Variants in CEP126 observed in about 807,000 individuals in gnomAD.
The protein encoded by CEP126 is centrosomal protein of 126 kDa.
A neutral mutation model predicts 107.8 loss-of-function variants in CEP126; 74 were observed. The ratio of observed to expected loss-of-function variants is 0.69; its 90% CI spans 0.57 to 0.83. CEP126 has a LOEUF of 0.83. Ranked by LOEUF, CEP126 falls within the 40% of genes least tolerant of loss-of-function variation. CEP126 has a pLI of 0.00. For synonymous variants in CEP126, 449 were observed against 446.0 expected (o/e 1.01, Z -0.08); for missense variants, 1,237 against 1,281.9 (o/e 0.96, Z 0.53).
At chr11:101,985,987 G>GTTT (rs1941311739) in intron 8 of CEP126, among the ~76,000 whole-genome samples, 1 of 128,992 alleles carries the variant, frequency 7.8e-6, no homozygotes, top group East Asian at 2.8e-4. Flanking sequence ...ACTCTGAATT[G>GTTT]ATTTCTTTTT....
intron 4 of CEP126, among the ~76,000 whole-genome samples, chr11:101,957,472 A>G (rs149924522): frequency 6.6e-5 from 10 of 152,288 alleles, no homozygotes; most frequent in Non-Finnish European, 1.0e-4. Flanking sequence ...ACAAAATTCT[A>G]ATAGAAAATG....
chr11:101,944,542 G>A, intron 3 of CEP126, 132 bp downstream of exon 3: 1 of 807,414 alleles, frequency 1.2e-6, no homozygotes, highest in East Asian at 3.2e-5. Flanking sequence ...TTGAGTAAAA[G>A]CACTTTAACC....
chr11:101,933,578 T>C (rs993914455), intron 2 of CEP126, among the ~76,000 whole-genome samples: 1 of 152,144 alleles, frequency 6.6e-6, no homozygotes, highest in African/African-American at 2.4e-5. Flanking sequence ...ACTTAGCACT[T>C]ACAGTGCCTG....
At chr11:101,973,355 T>C (rs142260338) in intron 6 of CEP126, among the ~76,000 whole-genome samples, 3,249 of 152,320 alleles carry the variant, frequency 0.021, 36 homozygotes, top group African/African-American at 0.029. Context: ...AACGAGATCA[T>C]GTCCTTTGCA....
rs369919672 is a variant in CEP126 at position 101,961,912 on chromosome 11, C to T, written c.877C>T (p.Leu293Phe). The change falls in exon 6 of 11, where the codon CTC (leucine) becomes TTC (phenylalanine). Residue 293 changes from leucine (L) to phenylalanine (F), a missense_variant. Transcript: ENST00000263468. ...ACCAGCAAATATGCAATCAACTAAT[C>T]TCAGCTGCTTTGATGAAGATAAACT... ...LKPANMQSTN[L>F]SCFDEDKLAF... is the part of the protein sequence containing the mutation. 7.9e-5 allele frequency: 128 copies of T among 1,612,850 alleles called. 1 individual carries two copies. In the Middle Eastern group the frequency reaches 1.2e-3, roughly 15 times the overall value.
At chr11:101,948,377 A>G (rs1940767135) in intron 4 of CEP126, among the ~76,000 whole-genome samples, 2 of 152,214 alleles carry the variant, frequency 1.3e-5, no homozygotes, top group South Asian at 2.1e-4. Flanking sequence ...TATGTTAAAT[A>G]ATTTTTGTGG....
intron 2 of CEP126, among the ~76,000 whole-genome samples, chr11:101,935,278 G>C (rs1024903731): frequency 6.6e-6 from 1 of 151,682 alleles, no homozygotes; most frequent in African/African-American, 2.4e-5. Flanking sequence ...GATTTATATT[G>C]TAAGTATTTT....
intron 7 of CEP126, among the ~76,000 whole-genome samples, chr11:101,981,048 T>C (rs1375350498): frequency 6.6e-6 from 1 of 152,194 alleles, no homozygotes; most frequent in South Asian, 2.1e-4. Flanking sequence ...GGAAGGGAAG[T>C]TGGTATCTCT....
At chr11:101,954,834 T>G (rs1940863374) in intron 4 of CEP126, among the ~76,000 whole-genome samples, 1 of 152,132 alleles carries the variant, frequency 6.6e-6, no homozygotes, top group South Asian at 2.1e-4. Context: ...ATTGGAATAT[T>G]AAGAATCAGG....
chr11:101,924,344 T>TG (rs1305268891), intron 2 of CEP126, among the ~76,000 whole-genome samples: 1 of 152,210 alleles, frequency 6.6e-6, no homozygotes, highest in Admixed American at 6.5e-5. Flanking sequence ...ACCATGCCAT[T>TG]GTCTATCAAT....
intron 2 of CEP126, among the ~76,000 whole-genome samples, chr11:101,925,369 T>G (rs1353045005): frequency 6.6e-6 from 1 of 152,218 alleles, no homozygotes; most frequent in Non-Finnish European, 1.5e-5. Context: ...AATGGGCATT[T>G]ATTCACTCAA....
chr11:101,935,606 C>T (rs1940565976), intron 2 of CEP126, among the ~76,000 whole-genome samples: 1 of 152,042 alleles, frequency 6.6e-6, no homozygotes, highest in Admixed American at 6.5e-5. Flanking sequence ...ATTCAGTGGT[C>T]TTGATGCCTT....
chr11:101,936,480 T>G (rs1206937063), intron 2 of CEP126, among the ~76,000 whole-genome samples: 3 of 152,182 alleles, frequency 2.0e-5, no homozygotes, highest in African/African-American at 7.2e-5. Context: ...TCCTGATGAT[T>G]TTCTAGTTAT....
At chr11:101,931,252 C>A (rs905882175) in intron 2 of CEP126, among the ~76,000 whole-genome samples, 5 of 152,006 alleles carry the variant, frequency 3.3e-5, no homozygotes, top group Admixed American at 6.6e-5. Context: ...TTCTATGAAT[C>A]TTTATTGTTT....
At chr11:101,933,318 C>T (rs1046878025) in intron 2 of CEP126, among the ~76,000 whole-genome samples, 1 of 152,016 alleles carries the variant, frequency 6.6e-6, no homozygotes, top group Non-Finnish European at 1.5e-5. Context: ...AAAACAAATT[C>T]GTGTTACATG....
intron 5 of CEP126, among the ~76,000 whole-genome samples, chr11:101,958,591 A>T (rs1005938499): frequency 6.6e-6 from 1 of 152,180 alleles, no homozygotes; most frequent in Non-Finnish European, 1.5e-5. Context: ...TAGAGATTGT[A>T]TTATAAAAAG....
At position 101,992,859 on chromosome 11, in the gene CEP126, G is replaced by C. The variant is rs1179198037; in HGVS notation, c.3309+17G>C. 1 of 1,509,614 alleles carries C rather than the reference G, an allele frequency of 6.6e-7. No homozygotes were observed. The highest frequency in any genetic ancestry group is 1.4e-5 in the African/African-American group (1 of 69,560). 93.5% of individuals were successfully genotyped at this position (1,509,614 alleles called of 1,614,324 possible). On this transcript the variant is annotated intron_variant, in intron 10 of 10. Coordinates refer to ENST00000263468, the MANE Select transcript of CEP126 (RefSeq NM_020802.4). ...CCACTTCTGGTAAGTATTTGAAGAAGCTCTTTTTTTCTTGTTTTAGGAAAC... is the reference window on the plus strand; with the variant it reads ...CCACTTCTGGTAAGTATTTGAAGAACCTCTTTTTTTCTTGTTTTAGGAAAC...
intron 4 of CEP126, among the ~76,000 whole-genome samples, chr11:101,957,633 T>C (rs184563374): frequency 9.8e-5 from 15 of 152,326 alleles, no homozygotes; most frequent in Non-Finnish European, 1.6e-4. Context: ...TGGCCTCCAT[T>C]GAGGACGATC....
At chr11:101,944,806 A>C (rs1940713796) in intron 3 of CEP126, among the ~76,000 whole-genome samples, 1 of 152,186 alleles carries the variant, frequency 6.6e-6, no homozygotes, top group South Asian at 2.1e-4. Context: ...AACACAAAGA[A>C]AGTCTACAGA....
Sources: allele counts gnomAD v4.1 joint callset (sites outside exome capture counted in the v4.1 genomes callset), GRCh38; gene constraint gnomAD v4.1.1; transcripts MANE v1.5; gene names NCBI Gene and HGNC (gene_info 2026-07-23, HGNC 2026-07-21).